Variants in PSD3 observed in about 807,000 individuals in gnomAD.
PSD3 encodes the protein pleckstrin and Sec7 domain containing 3, also known as PH and SEC7 domain-containing protein 3.
Under a neutral mutation model 105.5 loss-of-function variants are expected in PSD3, and 49 were observed. The ratio of observed to expected loss-of-function variants is 0.46; its 90% CI spans 0.37 to 0.59. The LOEUF (loss-of-function observed/expected upper bound fraction) is 0.59. PSD3 is among the 20% of genes least tolerant of loss of function. The pLI is 0.00. For synonymous variants in PSD3, 557 were observed against 457.8 expected, an observed-to-expected ratio of 1.22 and a Z score of -2.77; for missense variants, 1,561 against 1,263.8, an observed-to-expected ratio of 1.24 and a Z score of -3.57.
At chr8:18,628,658 A>T (rs2130750185) in intron 11 of PSD3, among the ~76,000 whole-genome samples, 2 of 152,154 alleles carry the variant, frequency 1.3e-5, no homozygotes, top group South Asian at 4.1e-4. Flanking sequence ...GAATTAAAAT[A>T]TAGGACAACA....
chr8:18,875,207 C>T (rs1464335423), intron 2 of PSD3, among the ~76,000 whole-genome samples: 2 of 152,128 alleles, frequency 1.3e-5, no homozygotes, highest in Non-Finnish European at 2.9e-5. Flanking sequence ...CCATGCCTGG[C>T]CTGAAATATA....
chr8:19,057,293 C>T (rs1173841680), intron 1 of PSD3, among the ~76,000 whole-genome samples: 1 of 152,166 alleles, frequency 6.6e-6, no homozygotes, highest in African/African-American at 2.4e-5. Flanking sequence ...ACACATACTG[C>T]TCTTCAGCCT....
chr8:19,042,653 C>G (rs1003940677), intron 1 of PSD3, among the ~76,000 whole-genome samples: 10 of 152,136 alleles, frequency 6.6e-5, no homozygotes, highest in Non-Finnish European at 1.3e-4. Flanking sequence ...GTCTTGGTCG[C>G]TGAAATACAA....
chr8:18,720,675 C>A (rs2129426395), intron 9 of PSD3, among the ~76,000 whole-genome samples: 1 of 152,218 alleles, frequency 6.6e-6, no homozygotes, highest in African/African-American at 2.4e-5. Flanking sequence ...TTAGTACAAA[C>A]CCATCCTCCC....
chr8:18,819,000 G>C (rs1037884104), intron 4 of PSD3, among the ~76,000 whole-genome samples: 1 of 152,102 alleles, frequency 6.6e-6, no homozygotes, highest in African/African-American at 2.4e-5. Flanking sequence ...CAGAGGAATT[G>C]TGGAGTAATC....
chr8:18,827,014 G>C (rs189289615), intron 4 of PSD3, among the ~76,000 whole-genome samples: 2 of 151,828 alleles, frequency 1.3e-5, no homozygotes, highest in African/African-American at 4.9e-5. Context: ...ACATTGTTTC[G>C]TACCAATATT....
chr8:18,881,370 T>G (rs1293489960), intron 2 of PSD3, among the ~76,000 whole-genome samples: 5 of 152,170 alleles, frequency 3.3e-5, no homozygotes, highest in Non-Finnish European at 5.9e-5. Context: ...AAAATAAGCC[T>G]GTTCCATAAG....
At chr8:18,663,913 T>G (rs1172315292) in intron 9 of PSD3, among the ~76,000 whole-genome samples, 1 of 152,226 alleles carries the variant, frequency 6.6e-6, no homozygotes, top group African/African-American at 2.4e-5. Context: ...TGTCACATTT[T>G]GACAATTCTC....
rs569994505 is a variant in PSD3 at position 18,751,106 on chromosome 8, G to C, written c.2172+14343C>G. ...CGTGCAGCAGGGGGCGGTGCTCTTCGGGGAGGCTCCGGCCGCACAGGAACC... is the reference window on the plus strand; with the variant it reads ...CGTGCAGCAGGGGGCGGTGCTCTTCCGGGAGGCTCCGGCCGCACAGGAACC... On this transcript the variant is annotated intron_variant, in intron 9 of 15. Coordinates refer to ENST00000327040, the MANE Select transcript of PSD3 (RefSeq NM_015310.4). Among the ~76,000 whole-genome samples, 14 of 152,204 alleles carry C rather than the reference G, an allele frequency of 9.2e-5. No homozygotes were observed. The South Asian group carries it at 2.9e-3, about 32-fold the overall frequency.
At chr8:18,681,446 C>CCA (rs1800384354) in intron 9 of PSD3, among the ~76,000 whole-genome samples, 2 of 62,282 alleles carry the variant, frequency 3.2e-5, no homozygotes, top group African/African-American at 9.1e-5. Flanking sequence ...GTTTCTGTTT[C>CCA]AAAAAAAAAA....
intron 11 of PSD3, among the ~76,000 whole-genome samples, chr8:18,625,002 T>C (rs1045500344): frequency 1.3e-5 from 2 of 152,224 alleles, no homozygotes; most frequent in African/African-American, 2.4e-5. Flanking sequence ...TCCCAAAGTA[T>C]TGGGATTACA....
intron 11 of PSD3, among the ~76,000 whole-genome samples, chr8:18,621,913 G>A (rs1370947547): frequency 6.6e-6 from 1 of 152,162 alleles, no homozygotes; most frequent in African/African-American, 2.4e-5. Flanking sequence ...AATTCTGCCT[G>A]CATTACCATT....
In PSD3 at chr8:18,680,052, T is replaced by C. The variant is rs139946867; in HGVS notation, c.2173-24367A>G. ...TCCGCCTCATTTAAACGGTATCACG[T>C]AGTTTGGCAAGAGATGGGGAAGAAA... On this transcript the variant is annotated intron_variant, in intron 9 of 15. Transcript: ENST00000327040. 5.3e-4 allele frequency among the ~76,000 whole-genome samples: 80 copies of C among 152,344 alleles called. 1 individual carries two copies. In the East Asian group the frequency reaches 0.014, roughly 26 times the overall value.
intron 8 of PSD3, among the ~76,000 whole-genome samples, chr8:18,785,017 T>C (rs1288554149): frequency 1.3e-5 from 2 of 152,244 alleles, no homozygotes; most frequent in African/African-American, 2.4e-5. Context: ...ACCTGTCCCC[T>C]TGCTGAGCTT....
intron 3 of PSD3, among the ~76,000 whole-genome samples, chr8:18,871,332 A>C (rs1367442243): frequency 6.6e-6 from 1 of 152,154 alleles, no homozygotes; most frequent in Non-Finnish European, 1.5e-5. Context: ...AAATCTGTCA[A>C]ATGTTAAGAA....
chr8:18,856,943 A>T (rs1200600145), intron 4 of PSD3, among the ~76,000 whole-genome samples: 1 of 152,204 alleles, frequency 6.6e-6, no homozygotes, highest in Non-Finnish European at 1.5e-5. Context: ...TTAGACAGAG[A>T]ATTGACTAAA....
chr8:18,821,646 T>C (rs1468143975), intron 4 of PSD3, among the ~76,000 whole-genome samples: 2 of 150,772 alleles, frequency 1.3e-5, no homozygotes, highest in Non-Finnish European at 2.9e-5. Context: ...TAATATTAAA[T>C]AGCAATGTCA....
chr8:18,773,064 T>C (rs958349296), intron 8 of PSD3, among the ~76,000 whole-genome samples: 1 of 152,204 alleles, frequency 6.6e-6, no homozygotes, highest in African/African-American at 2.4e-5. Context: ...GCCTGTGCTT[T>C]TGGTGTCACA....
At chr8:18,843,079 G>T (rs1425928601) in intron 4 of PSD3, among the ~76,000 whole-genome samples, 1 of 152,128 alleles carries the variant, frequency 6.6e-6, no homozygotes, top group Admixed American at 6.5e-5. Flanking sequence ...ACCATCAGTA[G>T]TATTAGAGGA....
Sources: gnomAD v4.1 joint callset for allele counts (sites outside exome capture counted in the v4.1 genomes callset) on GRCh38, gnomAD v4.1.1 for gene constraint, MANE v1.5 for transcripts, NCBI Gene and HGNC (gene_info 2026-07-23, HGNC 2026-07-21) for gene names.